The following CTNS variants were observed in gnomAD, a reference collection of about 807,000 sequenced individuals.
CTNS encodes the protein cystinosin.
Under a neutral mutation model 43.7 loss-of-function variants are expected in CTNS, and 27 were observed. The observed-to-expected ratio is 0.62, with a 90% CI of 0.46 to 0.85. CTNS has a LOEUF of 0.85. CTNS is among the 40% of genes least tolerant of loss of function. CTNS has a pLI of 0.00. For synonymous variants in CTNS, 187 were observed against 190.6 expected (o/e 0.98, Z 0.16); for missense variants, 457 against 475.4 (o/e 0.96, Z 0.36).
chr17:3,661,003 A>C lies in CTNS; in HGVS notation c.*634A>C, dbSNP rs1044979463. ...ACCAGATTGGTTCTGAATTGGATTC[A>C]TGCCCAGCGCATTAGCATAGTAACT... On this transcript the variant is annotated 3_prime_UTR_variant, in exon 12 of 12. Transcript: ENST00000046640. 1 of 532,866 alleles carries C rather than the reference A, an allele frequency of 1.9e-6. No individual in the cohort carries two copies. The highest frequency in any genetic ancestry group is 2.0e-5 in the South Asian group (1 of 49,342). The allele number at this position is 532,866 out of a possible 1,614,324, so 33.0% of individuals were successfully genotyped here.
intron 5 of CTNS, 50 bp from the exon 6 acceptor site, chr17:3,654,948 T>C: frequency 7.5e-7 from 1 of 1,335,250 alleles, no homozygotes; most frequent in Non-Finnish European, 1.1e-6. Context: ...GCCAGCGGGG[T>C]CCTCGGTAAC....
chr17:3,638,775 G>A (rs1373189183), intron 2 of CTNS, among the ~76,000 whole-genome samples: 1 of 152,190 alleles, frequency 6.6e-6, no homozygotes. Context: ...GGTGTGAGGA[G>A]CGGAGGGCAG....
chr17:3,645,014 G>T (rs568781585), intron 3 of CTNS, among the ~76,000 whole-genome samples: 1 of 152,176 alleles, frequency 6.6e-6, no homozygotes, highest in African/African-American at 2.4e-5. Context: ...CTGGCTGGCC[G>T]CCCAGCATCA....
chr17:3,661,975 T>A lies in CTNS; in HGVS notation c.*1606T>A, dbSNP rs1268740275. Among the ~76,000 whole-genome samples the A allele has an allele frequency of 6.6e-6, 1 of 152,180 alleles. No homozygotes were observed. Among genetic ancestry groups the A allele is most frequent in the Non-Finnish European group, 1.5e-5 (1 of 68,020 alleles). On this transcript the variant is annotated 3_prime_UTR_variant, in exon 12 of 12. Coordinates refer to ENST00000046640, the MANE Select transcript of CTNS (RefSeq NM_004937.3). The stretch of plus-strand genomic sequence containing the variant: ...TTTCACTTGCAACACCCAGTAAATG[T>A]GTTACTGGGTGCCCTACTTTAAAAA...
intron 3 of CTNS, among the ~76,000 whole-genome samples, chr17:3,642,041 C>CTGTGTGTGTGAGTGTG (rs2075723957): frequency 7.0e-6 from 1 of 143,788 alleles, no homozygotes; most frequent in Non-Finnish European, 1.5e-5. Context: ...TTGCCTGGGC[C>CTGTGTGTGTGAGTGTG]TGTGTGTGTG....
At chr17:3,656,950 G>C in intron 9 of CTNS, 155 bp downstream of exon 9, 2 of 1,216,856 alleles carry the variant, frequency 1.6e-6, no homozygotes, top group Non-Finnish European at 2.3e-6. Flanking sequence ...CATGAGTCCA[G>C]GCCCTCAGAG....
intron 3 of CTNS, among the ~76,000 whole-genome samples, chr17:3,644,575 T>C (rs913068191): frequency 6.6e-6 from 1 of 152,124 alleles, no homozygotes; most frequent in African/African-American, 2.4e-5. Context: ...AGTGATTCTC[T>C]TGCCTCAGCC....
intron 3 of CTNS, among the ~76,000 whole-genome samples, chr17:3,641,384 A>ATATTTT (rs1555558526): frequency 6.4e-5 from 2 of 31,204 alleles, no homozygotes; most frequent in African/African-American, 2.3e-4. Context: ...ATATATATAT[A>ATATTTT]TTTTTTTTTT....
intron 3 of CTNS, among the ~76,000 whole-genome samples, chr17:3,643,089 T>C (rs1449000940): frequency 2.0e-5 from 3 of 151,232 alleles, no homozygotes; most frequent in South Asian, 2.1e-4. Flanking sequence ...CCAAGGAGGG[T>C]GGATCACAAG....
intron 3 of CTNS, among the ~76,000 whole-genome samples, chr17:3,642,041 C>CTGTG (rs371619089): frequency 1.0e-4 from 15 of 143,786 alleles, no homozygotes; most frequent in Admixed American, 2.1e-4. Flanking sequence ...TTGCCTGGGC[C>CTGTG]TGTGTGTGTG....
chr17:3,637,496 A>C (rs1222483310), intron 2 of CTNS, among the ~76,000 whole-genome samples, 180 bp downstream of exon 2: 1 of 148,164 alleles, frequency 6.7e-6, no homozygotes, highest in Admixed American at 6.8e-5. Flanking sequence ...TGGAGTCTGC[A>C]GCCTCTGTCA....
chr17:3,643,180 G>A (rs1057319415), intron 3 of CTNS, among the ~76,000 whole-genome samples: 4 of 152,018 alleles, frequency 2.6e-5, no homozygotes, highest in South Asian at 2.1e-4. Flanking sequence ...CGGGCGTGGT[G>A]GCGGGCGCCT....
intron 5 of CTNS, among the ~76,000 whole-genome samples, chr17:3,650,930 G>A (rs1000849967): frequency 6.6e-6 from 1 of 152,052 alleles, no homozygotes; most frequent in African/African-American, 2.4e-5. Flanking sequence ...AGCCTCCCAA[G>A]TAGCTGGGAT....
intron 3 of CTNS, among the ~76,000 whole-genome samples, chr17:3,642,606 G>T (rs2075748448): frequency 1.3e-5 from 2 of 152,120 alleles, no homozygotes; most frequent in Admixed American, 1.3e-4. Flanking sequence ...AGAATCGCTT[G>T]AACCCGGGAG....
chr17:3,637,820 T>C (rs1217072680), intron 2 of CTNS, among the ~76,000 whole-genome samples: 1 of 151,886 alleles, frequency 6.6e-6, no homozygotes, highest in African/African-American at 2.4e-5. Context: ...CATCTCCTCA[T>C]TTAAGTCCTG....
chr17:3,643,304 A>G (rs1438784408), intron 3 of CTNS, among the ~76,000 whole-genome samples: 2 of 151,500 alleles, frequency 1.3e-5, no homozygotes, highest in Non-Finnish European at 2.9e-5. Flanking sequence ...ACAGAGCAAG[A>G]CTCTGTCTCA....
chr17:3,655,257 C>T lies in CTNS; in HGVS notation c.366C>T (p.Ala122=), dbSNP rs369763522. 1 of 1,614,212 alleles carries T rather than the reference C, an allele frequency of 6.2e-7. No individual in the cohort carries two copies. Among genetic ancestry groups the T allele is most frequent in the Non-Finnish European group, 8.5e-7 (1 of 1,180,038 alleles). ...GCTTTCTTGTGATCCGCAGCAGCGC[C>T]ATTAGCATCATAAACCAGGTGATTG... ...RIRFLVIRSS[A]ISIINQVIGW... is the part of the protein sequence containing the mutation. The change falls in exon 7 of 12, where the codon GCC becomes GCT. Residue 122 remains alanine (A), a synonymous_variant. Coordinates refer to ENST00000046640, the MANE Select transcript of CTNS (RefSeq NM_004937.3).
At position 3,660,376 on chromosome 17, in the gene CTNS, G is replaced by A; in HGVS notation, c.*7G>A. 2.5e-6 allele frequency: 4 copies of A among 1,614,156 alleles called. No homozygotes were observed. Among genetic ancestry groups the A allele is most frequent in the Non-Finnish European group, 3.4e-6 (4 of 1,180,046 alleles). ...GTATGACCAGCTGAACTAGCACCCA[G>A]GGACCCAGTGTACCCAGCCTCTGGC... On this transcript the variant is annotated 3_prime_UTR_variant, in exon 12 of 12. Coordinates refer to ENST00000046640, the MANE Select transcript of CTNS (RefSeq NM_004937.3).
Position 3,660,296 on chromosome 17 carries a change from T to A in CTNS, c.1031T>A (p.Val344Asp). 6.2e-7 allele frequency: 1 copy of A among 1,614,248 alleles called. No homozygotes were observed. Among genetic ancestry groups the A allele is most frequent in the Non-Finnish European group, 8.5e-7 (1 of 1,180,042 alleles). The stretch of plus-strand genomic sequence containing the variant: ...TTTGGACTCGGGGTCTTCTCCATCG[T>A]CTTCGACGTCGTCTTCTTCATCCAG... ...TKFGLGVFSIVFDVVFFIQHF... is the reference protein window; with the variant it reads ...TKFGLGVFSIDFDVVFFIQHF... Residue 344 changes from valine (V) to aspartate (D), a missense_variant, in exon 12 of 12, where the codon GTC becomes GAC. By Grantham distance (152) the Val-to-Asp change is radical (BLOSUM62 -3). Coordinates refer to ENST00000046640, the MANE Select transcript of CTNS (RefSeq NM_004937.3).
Sources: gnomAD v4.1 joint callset for allele counts (sites outside exome capture counted in the v4.1 genomes callset) on GRCh38, gnomAD v4.1.1 for gene constraint, MANE v1.5 for transcripts, NCBI Gene and HGNC (gene_info 2026-07-23, HGNC 2026-07-21) for gene names.